TMEM232: variants seen among roughly 807,000 people sequenced by gnomAD.
The protein encoded by TMEM232 is transmembrane protein 232.
Under a neutral mutation model 78.8 loss-of-function variants are expected in TMEM232, and 80 were observed. The ratio of observed to expected loss-of-function variants is 1.01; its 90% CI spans 0.85 to 1.22. TMEM232 has a LOEUF of 1.22. TMEM232 is among the 50% of genes most tolerant of loss of function. The pLI is 0.00. For synonymous variants in TMEM232, 297 were observed against 254.3 expected (o/e 1.17, Z -1.60); for missense variants, 881 against 742.2 (o/e 1.19, Z -2.17).
At chr5:110,597,275 C>T (rs147588966) in intron 10 of TMEM232, among the ~76,000 whole-genome samples, 13 of 151,934 alleles carry the variant, frequency 8.6e-5, no homozygotes, top group South Asian at 2.1e-4. Context: ...TGCTTCAAAG[C>T]GAATAAAATA....
chr5:110,535,064 T>A (rs1199835558), intron 11 of TMEM232, among the ~76,000 whole-genome samples: 2 of 152,070 alleles, frequency 1.3e-5, no homozygotes, highest in Non-Finnish European at 2.9e-5. Flanking sequence ...ATTTTTACTG[T>A]CCCAACACTT....
intron 1 of TMEM232, among the ~76,000 whole-genome samples, chr5:110,706,225 A>G (rs991255982): frequency 6.6e-5 from 10 of 152,296 alleles, no homozygotes; most frequent in South Asian, 2.1e-4. Context: ...GAAATCAAAG[A>G]TATTTTGAGG....
At chr5:110,450,236 T>A (rs1760119094) in intron 12 of TMEM232, among the ~76,000 whole-genome samples, 1 of 152,154 alleles carries the variant, frequency 6.6e-6, no homozygotes, top group South Asian at 2.1e-4. Context: ...AAATACTCAG[T>A]CTCAGGTAGT....
intron 2 of TMEM232, among the ~76,000 whole-genome samples, chr5:110,666,203 A>T (rs1369734399): frequency 6.6e-6 from 1 of 152,208 alleles, no homozygotes; most frequent in East Asian, 1.9e-4. Flanking sequence ...GCTCCTTTTT[A>T]GCACAGTATC....
chr5:110,446,250 C>G (rs544005562), intron 12 of TMEM232, among the ~76,000 whole-genome samples: 2 of 152,270 alleles, frequency 1.3e-5, no homozygotes, highest in East Asian at 3.9e-4. Context: ...GGCTCTGAAT[C>G]TGAGTGTTCC....
intron 1 of TMEM232, among the ~76,000 whole-genome samples, chr5:110,718,571 T>G (rs1797259351): frequency 6.6e-6 from 1 of 152,068 alleles, no homozygotes; most frequent in Non-Finnish European, 1.5e-5. Context: ...CGTCTGAGAG[T>G]GGATTTCTTC....
At chr5:110,717,342 T>G (rs1797118148) in intron 1 of TMEM232, among the ~76,000 whole-genome samples, 1 of 152,140 alleles carries the variant, frequency 6.6e-6, no homozygotes, top group African/African-American at 2.4e-5. Context: ...GAGTTCAGTT[T>G]TAATGACGCC....
intron 11 of TMEM232, among the ~76,000 whole-genome samples, chr5:110,537,692 C>T (rs988824651): frequency 7.2e-5 from 11 of 152,210 alleles, no homozygotes; most frequent in African/African-American, 2.7e-4. Flanking sequence ...TATTAACTCT[C>T]CCTGCAGCCC....
intron 11 of TMEM232, among the ~76,000 whole-genome samples, chr5:110,531,498 T>G (rs1049092893): frequency 6.6e-6 from 1 of 152,186 alleles, no homozygotes. Flanking sequence ...TTTTACTCTC[T>G]TCTCCAACCT....
At chr5:110,575,906 C>A (rs767773152) in intron 10 of TMEM232, among the ~76,000 whole-genome samples, 1 of 151,942 alleles carries the variant, frequency 6.6e-6, no homozygotes, top group Non-Finnish European at 1.5e-5. Context: ...GACCCGGGAG[C>A]TTAGATGTTC....
intron 12 of TMEM232, among the ~76,000 whole-genome samples, chr5:110,434,366 G>A (rs1163748778): frequency 6.6e-6 from 1 of 151,536 alleles, no homozygotes; most frequent in Non-Finnish European, 1.5e-5. Context: ...AGATCTAGAG[G>A]AAATGAATAA....
chr5:110,480,694 G>C (rs1352612113), intron 12 of TMEM232, among the ~76,000 whole-genome samples: 1 of 152,044 alleles, frequency 6.6e-6, no homozygotes, highest in African/African-American at 2.4e-5. Context: ...AGATTTCAAA[G>C]ATGATTCTAT....
intron 2 of TMEM232, among the ~76,000 whole-genome samples, chr5:110,653,703 G>C (rs374211569): frequency 1.1e-4 from 16 of 152,246 alleles, no homozygotes; most frequent in African/African-American, 3.6e-4. Context: ...CAATGTTTTT[G>C]GCCCACATGA....
intron 7 of TMEM232, among the ~76,000 whole-genome samples, chr5:110,623,201 G>C (rs1378511699): frequency 6.6e-6 from 1 of 151,972 alleles, no homozygotes. Context: ...GCAGACGAAA[G>C]GAAATTTCCT....
At chr5:110,439,346 A>G (rs1025733) in intron 12 of TMEM232, among the ~76,000 whole-genome samples, 32,717 of 152,046 alleles carry the variant, frequency 0.22, 5,040 homozygotes, top group African/African-American at 0.42. Context: ...CTATTTAATT[A>G]ATCTCGTTTT....
At chr5:110,390,375 A>G (rs1338552545) in intron 4 of TMEM232, 1 of 152,218 alleles carries the variant, frequency 6.6e-6, no homozygotes, top group African/African-American at 2.4e-5. Flanking sequence ...CTTACACAAT[A>G]TAAAGTGACC....
chr5:110,596,215 A>G (rs1263099014), intron 10 of TMEM232, among the ~76,000 whole-genome samples: 1 of 152,210 alleles, frequency 6.6e-6, no homozygotes, highest in Non-Finnish European at 1.5e-5. Context: ...ACAAACTAAC[A>G]TCAGAGAATA....
chr5:110,585,870 CA>C lies in TMEM232; in HGVS notation c.1277-17246del, dbSNP rs138568257. On this transcript the variant is annotated intron_variant, in intron 10 of 13. Transcript: ENST00000455884. ...TCACCCTTACCTTGAAGTACTAATG[CA>C]AACAAAAAAGGCAAAAGCATACTGC... Among the ~76,000 whole-genome samples the C allele has an allele frequency of 6.5e-3, 995 of 152,150 alleles. 11 individuals are homozygous for C. The highest frequency in any genetic ancestry group is 0.022 in the African/African-American group (932 of 41,512).
chr5:110,661,968 C>A (rs929532169), intron 2 of TMEM232, among the ~76,000 whole-genome samples: 9 of 151,958 alleles, frequency 5.9e-5, no homozygotes, highest in African/African-American at 2.2e-4. Flanking sequence ...CTATTTAGAT[C>A]TTTTGCCCAT....
Sources: allele counts gnomAD v4.1 joint callset (sites outside exome capture counted in the v4.1 genomes callset), GRCh38; gene constraint gnomAD v4.1.1; transcripts MANE v1.5; gene names NCBI Gene and HGNC (gene_info 2026-07-23, HGNC 2026-07-21).